EXOC4: variants seen among roughly 807,000 people sequenced by gnomAD.
EXOC4 encodes exocyst complex component 4.
EXOC4 carries 71 observed loss-of-function variants against 107.2 expected under a neutral mutation model. That is an observed-to-expected ratio of 0.66 (90% CI 0.55 to 0.81). EXOC4 has a LOEUF of 0.81. Among genes scored for constraint, EXOC4 ranks in the 30% least tolerant of loss-of-function variants. The pLI, the probability that EXOC4 is intolerant of heterozygous loss-of-function variation, is 0.00. For synonymous variants in EXOC4, 456 were observed against 441.2 expected, an observed-to-expected ratio of 1.03 and a Z score of -0.42; for missense variants, 1,108 against 1,189.6, an observed-to-expected ratio of 0.93 and a Z score of 1.01.
intron 3 of EXOC4, among the ~76,000 whole-genome samples, chr7:133,292,765 G>A (rs553770520): frequency 1.3e-5 from 2 of 152,262 alleles, no homozygotes; most frequent in African/African-American, 4.8e-5. Flanking sequence ...TAGTGGTTGT[G>A]TCTTACCTAT....
chr7:133,597,324 C>T (rs1047614427), intron 9 of EXOC4, among the ~76,000 whole-genome samples: 9 of 151,828 alleles, frequency 5.9e-5, no homozygotes, highest in East Asian at 3.9e-4. Context: ...GAGGCCGAGG[C>T]GGGTGGATCA....
chr7:133,769,614 T>G (rs1344468457), intron 10 of EXOC4, among the ~76,000 whole-genome samples: 1 of 151,596 alleles, frequency 6.6e-6, no homozygotes, highest in Non-Finnish European at 1.5e-5. Flanking sequence ...TAGTTAACAT[T>G]TAAGAAAAAA....
chr7:133,652,132 A>T (rs1295724037), intron 10 of EXOC4, among the ~76,000 whole-genome samples: 1 of 152,238 alleles, frequency 6.6e-6, no homozygotes, highest in African/African-American at 2.4e-5. Context: ...TGACACTGAC[A>T]GTAAATATTT....
chr7:133,726,221 A>G (rs1795211906), intron 10 of EXOC4, among the ~76,000 whole-genome samples: 1 of 152,226 alleles, frequency 6.6e-6, no homozygotes, highest in Non-Finnish European at 1.5e-5. Context: ...TCCTTGGCAT[A>G]CTTCAGTATG....
intron 10 of EXOC4, among the ~76,000 whole-genome samples, chr7:133,799,320 A>G (rs1796883220): frequency 6.6e-6 from 1 of 152,208 alleles, no homozygotes; most frequent in Non-Finnish European, 1.5e-5. Flanking sequence ...CATGAAAGAC[A>G]TCCAGGAGCT....
intron 12 of EXOC4, among the ~76,000 whole-genome samples, chr7:133,916,384 A>G (rs920530607): frequency 6.6e-5 from 10 of 152,076 alleles, no homozygotes; most frequent in African/African-American, 2.4e-4. Flanking sequence ...ACAACATGAA[A>G]CTATGTTACC....
chr7:133,603,442 T>G (rs1801855672), intron 9 of EXOC4, among the ~76,000 whole-genome samples: 1 of 152,206 alleles, frequency 6.6e-6, no homozygotes, highest in East Asian at 1.9e-4. Context: ...TTTATGCACA[T>G]CATAGAGTGT....
At chr7:133,644,189 G>A (rs956241905) in intron 10 of EXOC4, among the ~76,000 whole-genome samples, 10 of 152,156 alleles carry the variant, frequency 6.6e-5, no homozygotes, top group African/African-American at 1.9e-4. Context: ...TATGCAGTAG[G>A]CTTCCTATCA....
At chr7:133,970,304 G>A (rs906337708) in intron 14 of EXOC4, among the ~76,000 whole-genome samples, 62 of 152,182 alleles carry the variant, frequency 4.1e-4, no homozygotes, top group Non-Finnish European at 8.2e-4. Flanking sequence ...GATCCGCTGA[G>A]CTAGACCACT....
At chr7:133,359,674 G>T (rs1306888837) in intron 6 of EXOC4, among the ~76,000 whole-genome samples, 2 of 152,018 alleles carry the variant, frequency 1.3e-5, no homozygotes, top group African/African-American at 4.8e-5. Context: ...ATATATTCTG[G>T]TTGTGATGCA....
intron 10 of EXOC4, among the ~76,000 whole-genome samples, chr7:133,696,199 G>C (rs553612799): frequency 5.9e-5 from 9 of 152,302 alleles, no homozygotes; most frequent in African/African-American, 1.7e-4. Flanking sequence ...TGCTGTTAAA[G>C]TGTCACAGGA....
chr7:133,385,952 T>C (rs1796716916), intron 7 of EXOC4, among the ~76,000 whole-genome samples: 2 of 152,206 alleles, frequency 1.3e-5, no homozygotes, highest in African/African-American at 4.8e-5. Context: ...TTTGTATATA[T>C]AGAAGTGTGT....
chr7:133,954,570 A>G (rs1800771067), intron 14 of EXOC4, among the ~76,000 whole-genome samples: 1 of 152,242 alleles, frequency 6.6e-6, no homozygotes. Flanking sequence ...CTGTTGGAAT[A>G]TATAATCAAA....
intron 7 of EXOC4, among the ~76,000 whole-genome samples, chr7:133,408,107 A>AT (rs1366101271): frequency 1.3e-5 from 2 of 151,822 alleles, no homozygotes; most frequent in Non-Finnish European, 2.9e-5. Context: ...GACGGTAGCC[A>AT]TGGTAGAGAT....
chr7:133,927,173 G>T (rs957059068), intron 13 of EXOC4, among the ~76,000 whole-genome samples: 4 of 150,280 alleles, frequency 2.7e-5, no homozygotes, highest in Admixed American at 2.0e-4. Context: ...AGCCTTCAGT[G>T]AACTCTCTGA....
chr7:133,945,443 A>T (rs746625637), intron 14 of EXOC4, among the ~76,000 whole-genome samples: 2 of 152,250 alleles, frequency 1.3e-5, no homozygotes, highest in Non-Finnish European at 2.9e-5. Flanking sequence ...GAAGAACTGT[A>T]GGCATGGAGA....
chr7:133,490,691 T>C (rs1324004244), intron 9 of EXOC4, among the ~76,000 whole-genome samples: 1 of 152,194 alleles, frequency 6.6e-6, no homozygotes, highest in African/African-American at 2.4e-5. Context: ...CTATTATGAA[T>C]GGCTTTGGCC....
intron 10 of EXOC4, among the ~76,000 whole-genome samples, chr7:133,767,058 T>G (rs558020338): frequency 1.1e-4 from 17 of 152,086 alleles, no homozygotes; most frequent in African/African-American, 4.1e-4. Flanking sequence ...TAGCTGCTCC[T>G]TCTTTTTGCA....
At chr7:133,646,014 A>G (rs1035446079) in intron 10 of EXOC4, among the ~76,000 whole-genome samples, 1 of 151,030 alleles carries the variant, frequency 6.6e-6, no homozygotes, top group Non-Finnish European at 1.5e-5. Flanking sequence ...TTAATTTCCC[A>G]TGACAGCACA....
Sources: allele counts gnomAD v4.1 joint callset (sites outside exome capture counted in the v4.1 genomes callset), GRCh38; gene constraint gnomAD v4.1.1; transcripts MANE v1.5; gene names NCBI Gene and HGNC (gene_info 2026-07-23, HGNC 2026-07-21).